NECAB2: variants seen among roughly 807,000 people sequenced by gnomAD.
The protein encoded by NECAB2 is N-terminal EF-hand calcium-binding protein 2.
In NECAB2, 68 loss-of-function variants were observed where a neutral mutation model predicts 51.9. The observed-to-expected ratio is 1.31, with a 90% CI of 1.08 to 1.60. The LOEUF is 1.60. Among genes scored for constraint, NECAB2 ranks in the 40% most tolerant of loss-of-function variants. The pLI is 0.00. For missense variants in NECAB2, 854 were observed against 490.3 expected (o/e 1.74, Z -7.00); for synonymous variants, 329 against 203.5 (o/e 1.62, Z -5.25).
At chr16:83,995,400 C>T (rs9938157) in intron 8 of NECAB2, among the ~76,000 whole-genome samples, 16,285 of 152,060 alleles carry the variant, frequency 0.11, 1,736 homozygotes, top group African/African-American at 0.28. Flanking sequence ...AAGAAAATAA[C>T]CTGGAGCATG....
At chr16:83,974,981 G>A (rs1597197514) in intron 2 of NECAB2, among the ~76,000 whole-genome samples, 1 of 139,294 alleles carries the variant, frequency 7.2e-6, no homozygotes, top group Non-Finnish European at 1.5e-5. Context: ...TGTGCAGGGA[G>A]GTGTGGGTGC....
At chr16:83,998,843 C>T (rs2084762710) in intron 10 of NECAB2, among the ~76,000 whole-genome samples, 1 of 152,152 alleles carries the variant, frequency 6.6e-6, no homozygotes, top group Non-Finnish European at 1.5e-5. Flanking sequence ...GGGCAAGCGG[C>T]CTTACCTTCA....
intron 9 of NECAB2, among the ~76,000 whole-genome samples, chr16:83,997,859 T>G (rs1040769637): frequency 1.3e-5 from 2 of 152,092 alleles, no homozygotes; most frequent in African/African-American, 4.8e-5. Context: ...CAGACAGTGA[T>G]GTGAAAATGC....
intron 2 of NECAB2, among the ~76,000 whole-genome samples, 190 bp from the exon 3 acceptor site, chr16:83,978,254 G>A (rs939624492): frequency 1.3e-5 from 2 of 152,124 alleles, no homozygotes; most frequent in Admixed American, 1.3e-4. Context: ...GAATTAGCTG[G>A]GTGGGTAGGG....
At chr16:83,992,381 C>CACCCCA (rs60031114) in intron 6 of NECAB2, among the ~76,000 whole-genome samples, 3 of 145,088 alleles carry the variant, frequency 2.1e-5, no homozygotes, top group East Asian at 2.1e-4. Flanking sequence ...CACCCGTCCC[C>CACCCCA]CCGCCCACCT....
Position 84,000,586 on chromosome 16 carries a change from G to C in NECAB2, c.963-138G>C, listed in dbSNP as rs184334235. The C allele has an allele frequency of 1.3e-5, 8 of 635,328 alleles. No homozygotes were observed. The Admixed American group carries it at 2.2e-4, about 17-fold the overall frequency. 39.4% of individuals were successfully genotyped at this position (635,328 alleles called of 1,614,324 possible). A position where few individuals can be genotyped will look rare whatever the true frequency, so the allele number is the denominator to read the frequency against. ...TGCTGGGGTCACCCTGTCGAGTCTC[G>C]ATGGAGGTCAAGACAGGAAGAAACA... On this transcript the variant is annotated intron_variant, in intron 10 of 12. Coordinates refer to ENST00000305202, the MANE Select transcript of NECAB2 (RefSeq NM_019065.3).
chr16:83,967,202 G>C (rs1437536892), upstream of NECAB2, among the ~76,000 whole-genome samples: 2 of 152,012 alleles, frequency 1.3e-5, no homozygotes, highest in East Asian at 3.9e-4. Context: ...TCATTTGTTT[G>C]TGGAATCATT....
intron 1 of NECAB2, among the ~76,000 whole-genome samples, chr16:83,970,271 C>T (rs896902313): frequency 2.6e-5 from 4 of 152,272 alleles, no homozygotes; most frequent in African/African-American, 7.2e-5. Context: ...GTCAGCCCTG[C>T]CATGTCACTC....
intron 5 of NECAB2, among the ~76,000 whole-genome samples, chr16:83,984,197 G>A (rs866496559): frequency 4.5e-4 from 68 of 151,476 alleles, no homozygotes; most frequent in African/African-American, 1.4e-3. Flanking sequence ...GGGTTTCATC[G>A]TGTTAGCCAG....
intron 11 of NECAB2, among the ~76,000 whole-genome samples, chr16:84,001,109 C>G (rs1042172962): frequency 2.0e-5 from 3 of 152,108 alleles, no homozygotes; most frequent in Admixed American, 1.3e-4. Flanking sequence ...TCTTTACCAC[C>G]CTGTAGAGTT....
chr16:84,000,782 A>G lies in NECAB2; in HGVS notation c.1021A>G (p.Thr341Ala), dbSNP rs773057683. The G allele has an allele frequency of 1.9e-6, 3 of 1,613,634 alleles. No individual in the cohort carries two copies. The highest frequency in any genetic ancestry group is 1.1e-5 in the South Asian group (1 of 91,060). Residue 341 changes from threonine to alanine, a missense_variant, in exon 11 of 13, where the codon ACA becomes GCA. By Grantham distance (58) the Thr-to-Ala change is moderately conservative. Transcript: ENST00000305202. ...FTFVIYEFWE[T>A]EEAWKRHLQS... ...CTTTGTCATCTATGAGTTCTGGGAGACAGAGGAGGCGTGGAAGAGGTGAGA... is the reference window on the plus strand; with the variant it reads ...CTTTGTCATCTATGAGTTCTGGGAGGCAGAGGAGGCGTGGAAGAGGTGAGA...
At position 84,002,439 on chromosome 16, in the gene NECAB2, GCTT is replaced by G. The variant is rs2084857440; in HGVS notation, c.*97_*99del. The G allele has an allele frequency of 2.0e-6, 3 of 1,483,992 alleles. No homozygotes were observed. The highest frequency in any genetic ancestry group is 2.8e-6 in the Non-Finnish European group (3 of 1,067,220). 91.9% of individuals were successfully genotyped at this position (1,483,992 alleles called of 1,614,324 possible). A position where few individuals can be genotyped will look rare whatever the true frequency, so the allele number is the denominator to read the frequency against. Reference sequence around the variant, plus strand: ...TCTAGACAGACACTTTGGTGCAGAAGCTTCTTTTCAATCCATCCTCCACAAGAA... The same window carrying G: ...TCTAGACAGACACTTTGGTGCAGAAGCTTTTCAATCCATCCTCCACAAGAA... On this transcript the variant is annotated 3_prime_UTR_variant, in exon 13 of 13. Transcript: ENST00000305202.
upstream of NECAB2, chr16:83,965,397 C>T: frequency 6.3e-7 from 1 of 1,575,834 alleles, no homozygotes; most frequent in South Asian, 1.2e-5. Context: ...CTGGAGGCCG[C>T]CACAAGGGTG....
At chr16:83,984,412 A>G (rs1054918294) in intron 5 of NECAB2, among the ~76,000 whole-genome samples, 2 of 152,012 alleles carry the variant, frequency 1.3e-5, no homozygotes, top group Non-Finnish European at 2.9e-5. Context: ...CAGGCACTTA[A>G]TGCACATTAA....
intron 11 of NECAB2, among the ~76,000 whole-genome samples, chr16:84,001,144 C>G (rs2084824351): frequency 6.6e-6 from 1 of 152,144 alleles, no homozygotes; most frequent in South Asian, 2.1e-4. Context: ...GAAGGTGACT[C>G]AGTCCCCATG....
intron 4 of NECAB2, 45 bp downstream of exon 4, chr16:83,980,909 G>T: frequency 6.2e-7 from 1 of 1,613,328 alleles, no homozygotes; most frequent in Non-Finnish European, 8.5e-7. Flanking sequence ...ATGCTGGGAT[G>T]GGGCTGGATG....
At position 83,997,287 on chromosome 16, in the gene NECAB2, C is replaced by T. The variant is rs944373507; in HGVS notation, c.849+18C>T. The T allele has an allele frequency of 3.7e-6, 6 of 1,613,838 alleles. No individual in the cohort carries two copies. Among genetic ancestry groups the T allele is most frequent in the East Asian group, 4.5e-5 (2 of 44,874 alleles). On this transcript the variant is annotated intron_variant, in intron 9 of 12. Coordinates refer to ENST00000305202, the MANE Select transcript of NECAB2 (RefSeq NM_019065.3). The stretch of plus-strand genomic sequence containing the variant: ...CCAACATGGTGAGGCCCCTTCCCAC[C>T]TCTCTTCTGGGACCACATCCCTACC...
chr16:84,000,439 T>C (rs116149677), intron 10 of NECAB2, among the ~76,000 whole-genome samples: 5,214 of 152,258 alleles, frequency 0.034, 304 homozygotes, highest in African/African-American at 0.12. Context: ...GAAGTGATTG[T>C]GCCACTGCAC....
intron 6 of NECAB2, chr16:83,993,366 C>T (rs879639637): frequency 3.3e-5 from 5 of 152,340 alleles, no homozygotes; most frequent in Admixed American, 6.6e-5. Context: ...TTTGCTCCCT[C>T]CGCAAGGGGG....
Sources: gnomAD v4.1 joint callset for allele counts (sites outside exome capture counted in the v4.1 genomes callset) on GRCh38, gnomAD v4.1.1 for gene constraint, MANE v1.5 for transcripts, NCBI Gene and HGNC (gene_info 2026-07-23, HGNC 2026-07-21) for gene names.